Variants in ANG observed in about 807,000 individuals in gnomAD.
ANG encodes the protein angiogenin.
For synonymous variants in ANG, 74 were observed against 73.8 expected (o/e 1.00, Z -0.02); for missense variants, 178 against 187.4 (o/e 0.95, Z 0.29).
intron 1 of ANG, among the ~76,000 whole-genome samples, chr14:20,693,307 A>G (rs1271860012): frequency 1.3e-5 from 2 of 152,274 alleles, no homozygotes; most frequent in Non-Finnish European, 2.9e-5. Flanking sequence ...CAGTGATTCT[A>G]AGGGATGGGG....
intron 1 of ANG, among the ~76,000 whole-genome samples, chr14:20,689,842 G>C (rs527982125): frequency 7.6e-4 from 115 of 151,694 alleles, no homozygotes; most frequent in South Asian, 4.0e-3. Flanking sequence ...CCTGAACCTG[G>C]GAGGTGGAGG....
At chr14:20,688,628 G>A, upstream of ANG, 2 of 916,404 alleles carry the variant, frequency 2.2e-6, no homozygotes, top group Non-Finnish European at 2.6e-6. Context: ...ATTCAGGTGG[G>A]TTAATATCTA....
intron 1 of ANG, among the ~76,000 whole-genome samples, chr14:20,689,944 G>A (rs1205945507): frequency 4.7e-5 from 7 of 149,256 alleles, no homozygotes; most frequent in Admixed American, 2.0e-4. Context: ...GGCCGGGCGC[G>A]GTGGCTCACG....
At chr14:20,687,445 T>C (rs932872822), upstream of ANG, among the ~76,000 whole-genome samples, 2 of 152,214 alleles carry the variant, frequency 1.3e-5, no homozygotes, top group Admixed American at 1.3e-4. Flanking sequence ...TGTGAGTCGG[T>C]GCTTGAATTG....
chr14:20,694,168 GTC>G lies in ANG; in HGVS notation c.*162_*163del. 1 of 770,678 alleles carries G rather than the reference GTC, an allele frequency of 1.3e-6. No individual in the cohort carries two copies. The allele number at this position is 770,678 out of a possible 1,614,324, so 47.7% of individuals were successfully genotyped here. On this transcript the variant is annotated 3_prime_UTR_variant, in exon 2 of 2. Coordinates refer to ENST00000397990, the MANE Select transcript of ANG (RefSeq NM_001097577.3). ...GACAACATGTTTAATAAATAAAAAT[GTC>G]TTGATATCAGTAAGAATCAGAGTCT... is the stretch of plus-strand genomic sequence containing the variant.
chr14:20,693,806 G>T lies in ANG; in HGVS notation c.242G>T (p.Cys81Phe), dbSNP rs755827967. 1 of 1,614,202 alleles carries T rather than the reference G, an allele frequency of 6.2e-7. No homozygotes were observed. Among genetic ancestry groups the T allele is most frequent in the South Asian group, 1.1e-5 (1 of 91,080 alleles). ...HGNKRSIKAI[C>F]ENKNGNPHRE... Reference sequence around the variant, plus strand: ...AACAAGCGCAGCATCAAGGCCATCTGTGAAAACAAGAATGGAAACCCTCAC... The same window carrying T: ...AACAAGCGCAGCATCAAGGCCATCTTTGAAAACAAGAATGGAAACCCTCAC... The change falls in exon 2 of 2, where the codon TGT becomes TTT. Residue 81 changes from cysteine (C) to phenylalanine (F), a missense_variant. Coordinates refer to ENST00000397990, the MANE Select transcript of ANG (RefSeq NM_001097577.3).
upstream of ANG, chr14:20,684,178 T>C (rs1425470601): frequency 2.0e-5 from 3 of 152,242 alleles, no homozygotes; most frequent in African/African-American, 7.2e-5. Flanking sequence ...CGATGGGCTG[T>C]CCTGCCAAAG....
intron 1 of ANG, among the ~76,000 whole-genome samples, chr14:20,692,874 G>A (rs1450189761): frequency 6.6e-6 from 1 of 152,064 alleles, no homozygotes; most frequent in East Asian, 1.9e-4. Context: ...CCGAGACGGA[G>A]TCTCGCTCTG....
chr14:20,693,903 G>T lies in ANG; in HGVS notation c.339G>T (p.Trp113Cys). Residue 113 changes from tryptophan (W) to cysteine (C), a missense_variant, in exon 2 of 2, where the codon TGG becomes TGT. By Grantham distance (215) the Trp-to-Cys change is radical. Transcript: ENST00000397990. ...GCAAGCTACATGGAGGTTCCCCCTGGCCTCCATGCCAGTACCGAGCCACAG... is the reference window on the plus strand; with the variant it reads ...GCAAGCTACATGGAGGTTCCCCCTGTCCTCCATGCCAGTACCGAGCCACAG... The part of the protein sequence containing the change: ...TTCKLHGGSP[W>C]PPCQYRATAG... 6.2e-7 allele frequency: 1 copy of T among 1,614,118 alleles called. No homozygotes were observed. The highest frequency in any genetic ancestry group is 8.5e-7 in the Non-Finnish European group (1 of 1,180,024).
At chr14:20,685,691 T>A (rs1220471587), upstream of ANG, among the ~76,000 whole-genome samples, 1 of 152,196 alleles carries the variant, frequency 6.6e-6, no homozygotes, top group East Asian at 1.9e-4. Flanking sequence ...AACAGCAACT[T>A]TCAGTGGCCC....
At chr14:20,686,662 C>CTT (rs1886440482), upstream of ANG, among the ~76,000 whole-genome samples, 1 of 152,222 alleles carries the variant, frequency 6.6e-6, no homozygotes, top group African/African-American at 2.4e-5. Context: ...ACAGGCATGT[C>CTT]AGCAGGACTT....
chr14:20,693,083 G>A (rs535481312), intron 1 of ANG, among the ~76,000 whole-genome samples: 6 of 151,920 alleles, frequency 3.9e-5, no homozygotes, highest in African/African-American at 1.2e-4. Context: ...TCCTGACCTC[G>A]TGATCCGCCC....
At chr14:20,691,147 G>A (rs1338747007) in intron 1 of ANG, among the ~76,000 whole-genome samples, 1 of 152,152 alleles carries the variant, frequency 6.6e-6, no homozygotes, top group Admixed American at 6.5e-5. Flanking sequence ...ATACAGCATT[G>A]GCACCTCCTG....
chr14:20,688,690 G>C, upstream of ANG: 1 of 985,290 alleles, frequency 1.0e-6, no homozygotes, highest in Non-Finnish European at 1.2e-6. Context: ...TTGTTCAAGA[G>C]CAGTGTCCTT....
At chr14:20,693,423 T>C in intron 1 of ANG, 124 bp from the exon 2 acceptor site, 4 of 1,280,428 alleles carry the variant, frequency 3.1e-6, no homozygotes, top group Admixed American at 1.8e-5. Flanking sequence ...AAATAGAATA[T>C]AAAATTTGGT....
intron 1 of ANG, among the ~76,000 whole-genome samples, chr14:20,692,430 C>T (rs953916031): frequency 6.6e-6 from 1 of 152,216 alleles, no homozygotes; most frequent in Non-Finnish European, 1.5e-5. Flanking sequence ...TGACTCCTTC[C>T]CTGGGCTCAG....
intron 1 of ANG, among the ~76,000 whole-genome samples, chr14:20,692,683 T>G (rs1284395665): frequency 5.3e-5 from 8 of 152,186 alleles, no homozygotes; most frequent in African/African-American, 1.9e-4. Context: ...AAATACTGTC[T>G]TCCACAAAAA....
intron 1 of ANG, among the ~76,000 whole-genome samples, chr14:20,690,120 CAGG>C (rs2139009567): frequency 7.1e-6 from 1 of 140,292 alleles, no homozygotes; most frequent in Non-Finnish European, 1.5e-5. Flanking sequence ...GAGGCTGAGG[CAGG>C]AGAATGGCGT....
At chr14:20,685,552 G>A (rs1886383581), upstream of ANG, among the ~76,000 whole-genome samples, 1 of 152,182 alleles carries the variant, frequency 6.6e-6, no homozygotes, top group South Asian at 2.1e-4. Flanking sequence ...TAACCACAGA[G>A]CCACTAACAA....
Sources: gnomAD v4.1 joint callset for allele counts (sites outside exome capture counted in the v4.1 genomes callset) on GRCh38, gnomAD v4.1.1 for gene constraint, MANE v1.5 for transcripts, NCBI Gene and HGNC (gene_info 2026-07-23, HGNC 2026-07-21) for gene names.